Variants in DYM observed in about 807,000 individuals in gnomAD.
DYM encodes the protein dymeclin.
Under a neutral mutation model 93.1 loss-of-function variants are expected in DYM, and 78 were observed. That is an observed-to-expected ratio of 0.84 (90% CI 0.70 to 1.01). The LOEUF (loss-of-function observed/expected upper bound fraction) is 1.01. Ranked by LOEUF, DYM falls within the 50% of genes least tolerant of loss-of-function variation. The pLI, the probability that DYM is intolerant of heterozygous loss-of-function variation, is 0.00. For synonymous variants in DYM, 321 were observed against 319.7 expected (o/e 1.00, Z -0.04); for missense variants, 789 against 845.0 (o/e 0.93, Z 0.82).
intron 8 of DYM, among the ~76,000 whole-genome samples, chr18:49,296,559 C>T (rs1322612265): frequency 2.6e-5 from 4 of 151,416 alleles, no homozygotes; most frequent in East Asian, 1.9e-4. Flanking sequence ...GTCAGTTTGT[C>T]GGGGGGAATA....
intron 1 of DYM, among the ~76,000 whole-genome samples, chr18:49,455,330 C>A (rs1433890967): frequency 6.6e-6 from 1 of 152,210 alleles, no homozygotes; most frequent in African/African-American, 2.4e-5. Flanking sequence ...ATGCTCAATA[C>A]TGAACTGAAT....
At chr18:49,391,861 A>T (rs962200713) in intron 2 of DYM, among the ~76,000 whole-genome samples, 8 of 152,338 alleles carry the variant, frequency 5.3e-5, no homozygotes, top group African/African-American at 1.7e-4. Context: ...ACTCCTAAAG[A>T]GAAGAGCTTG....
chr18:49,065,497 G>C (rs1330109674), intron 17 of DYM, among the ~76,000 whole-genome samples: 1 of 152,086 alleles, frequency 6.6e-6, no homozygotes, highest in Non-Finnish European at 1.5e-5. Context: ...CGAGTAGCTG[G>C]GATTACAGGG....
intron 17 of DYM, among the ~76,000 whole-genome samples, chr18:49,058,309 C>A (rs1599416055): frequency 6.6e-6 from 1 of 150,854 alleles, no homozygotes; most frequent in African/African-American, 2.4e-5. Context: ...ACATTTTTTT[C>A]TTTTTCTTCT....
intron 8 of DYM, among the ~76,000 whole-genome samples, chr18:49,302,039 A>G (rs1314946405): frequency 6.6e-6 from 1 of 152,260 alleles, no homozygotes; most frequent in African/African-American, 2.4e-5. Flanking sequence ...ATGGAATCAT[A>G]AAACTATTTT....
intron 1 of DYM, among the ~76,000 whole-genome samples, chr18:49,439,147 C>T (rs2081104049): frequency 1.3e-5 from 2 of 152,126 alleles, no homozygotes; most frequent in Non-Finnish European, 2.9e-5. Context: ...GAAGCCAGTT[C>T]TGTTGATATC....
At chr18:49,309,349 T>C (rs522324) in intron 8 of DYM, among the ~76,000 whole-genome samples, 29,506 of 152,110 alleles carry the variant, frequency 0.19, 3,340 homozygotes, top group East Asian at 0.34. Flanking sequence ...TAACTAACTT[T>C]TCAGGCTGGA....
intron 13 of DYM, among the ~76,000 whole-genome samples, chr18:49,236,996 G>C (rs1187443733): frequency 6.6e-6 from 1 of 152,142 alleles, no homozygotes; most frequent in Non-Finnish European, 1.5e-5. Flanking sequence ...CTACCCTCTT[G>C]AAGAGAGAAA....
intron 13 of DYM, among the ~76,000 whole-genome samples, chr18:49,232,355 G>T (rs558675014): frequency 1.3e-4 from 19 of 151,036 alleles, no homozygotes; most frequent in Admixed American, 4.6e-4. Flanking sequence ...CACCCAGGCT[G>T]GAGTGCAGTG....
chr18:49,286,707 G>A (rs536877380), intron 8 of DYM, 91 bp from the exon 9 acceptor site: 8 of 1,226,366 alleles, frequency 6.5e-6, no homozygotes, highest in Non-Finnish European at 9.4e-6. Context: ...ATACAATATG[G>A]TAATGAGCAG....
intron 14 of DYM, among the ~76,000 whole-genome samples, chr18:49,177,744 C>G (rs923843676): frequency 3.3e-5 from 5 of 151,980 alleles, no homozygotes; most frequent in African/African-American, 1.2e-4. Flanking sequence ...GTAGGTTTGT[C>G]TCATTTCTTA....
chr18:49,324,264 A>G (rs1412440764), intron 8 of DYM, among the ~76,000 whole-genome samples: 1 of 151,990 alleles, frequency 6.6e-6, no homozygotes, highest in African/African-American at 2.4e-5. Context: ...CATAATACTG[A>G]TATCATTGAT....
chr18:49,397,611 G>A (rs2070267538), intron 2 of DYM, among the ~76,000 whole-genome samples: 1 of 152,142 alleles, frequency 6.6e-6, no homozygotes, highest in East Asian at 1.9e-4. Context: ...TTCTGTTGCT[G>A]GTGAAGTGCA....
intron 2 of DYM, among the ~76,000 whole-genome samples, chr18:49,396,870 C>G (rs1398059355): frequency 1.3e-5 from 2 of 152,026 alleles, no homozygotes; most frequent in Non-Finnish European, 2.9e-5. Context: ...AAAAGTTGAT[C>G]CCATAGAGAT....
chr18:49,159,108 G>A (rs1264477204), intron 15 of DYM, among the ~76,000 whole-genome samples: 6 of 152,092 alleles, frequency 3.9e-5, no homozygotes, highest in East Asian at 1.9e-4. Context: ...ATTTATGTAC[G>A]TGTGTGTACA....
intron 17 of DYM, among the ~76,000 whole-genome samples, chr18:49,084,006 T>C (rs2078277304): frequency 2.0e-5 from 3 of 152,154 alleles, no homozygotes; most frequent in South Asian, 4.1e-4. Flanking sequence ...CTGATCTTTA[T>C]GATTTCTGCC....
chr18:49,085,075 AAAG>A (rs913442134), intron 17 of DYM, among the ~76,000 whole-genome samples: 16 of 152,332 alleles, frequency 1.1e-4, no homozygotes, highest in African/African-American at 2.9e-4. Context: ...TTACACTGAA[AAAG>A]AAGAAGGGGT....
chr18:49,441,251 GT>G (rs2081528879), intron 1 of DYM, among the ~76,000 whole-genome samples: 1 of 22,264 alleles, frequency 4.5e-5, no homozygotes. Flanking sequence ...ACATAATATT[GT>G]TATATATAAT....
intron 8 of DYM, among the ~76,000 whole-genome samples, chr18:49,292,351 GACAGACACACACACACACACACACAC>G (rs2060187141): frequency 9.4e-6 from 1 of 106,718 alleles, no homozygotes; most frequent in South Asian, 3.5e-4. Context: ...CAGACAGACA[GACAGACACACACACACACACACACAC>G]ACACACACAC....
Sources: gnomAD v4.1 joint callset for allele counts (sites outside exome capture counted in the v4.1 genomes callset) on GRCh38, gnomAD v4.1.1 for gene constraint, MANE v1.5 for transcripts, NCBI Gene and HGNC (gene_info 2026-07-23, HGNC 2026-07-21) for gene names.